The following SLC2A12 variants were observed in gnomAD, a reference collection of about 807,000 sequenced individuals.
The protein encoded by SLC2A12 is solute carrier family 2, facilitated glucose transporter member 12.
In SLC2A12, 23 loss-of-function variants were observed where a neutral mutation model predicts 41.8. The observed-to-expected ratio is 0.55, with a 90% CI of 0.40 to 0.78. The LOEUF (loss-of-function observed/expected upper bound fraction) is 0.78, where lower values mean the gene tolerates loss of function less well. Among genes scored for constraint, SLC2A12 ranks in the 30% least tolerant of loss-of-function variants. The pLI is 0.00. For synonymous variants in SLC2A12, 295 were observed against 285.9 expected, an observed-to-expected ratio of 1.03 and a Z score of -0.32; for missense variants, 654 against 745.6, an observed-to-expected ratio of 0.88 and a Z score of 1.43.
intron 1 of SLC2A12, among the ~76,000 whole-genome samples, chr6:134,049,473 T>G (rs977790630): frequency 9.2e-5 from 14 of 152,198 alleles, no homozygotes; most frequent in Admixed American, 4.6e-4. Flanking sequence ...TTCTGCACCA[T>G]CCTCTGTGTG....
At chr6:134,033,468 G>A (rs1348009504) in intron 1 of SLC2A12, among the ~76,000 whole-genome samples, 1 of 151,988 alleles carries the variant, frequency 6.6e-6, no homozygotes, top group Non-Finnish European at 1.5e-5. Flanking sequence ...ATCTCTGCTT[G>A]TCATTGTTCA....
Position 134,028,961 on chromosome 6 carries a change from A to G in SLC2A12, c.864T>C (p.Phe288=), listed in dbSNP as rs148451864. The G allele has an allele frequency of 6.5e-5, 105 of 1,614,250 alleles. No homozygotes were observed. Among genetic ancestry groups the G allele is most frequent in the Non-Finnish European group, 8.6e-5 (102 of 1,180,048 alleles). ...RIMIGLTLVF[F]VQITGQPNIL... is the part of the protein sequence containing the mutation. ...TGTTTGGTTGGCCAGTGATTTGTACAAAAAATACTAGTGTTAGTCCTATCA... is the reference window on the plus strand; with the variant it reads ...TGTTTGGTTGGCCAGTGATTTGTACGAAAAATACTAGTGTTAGTCCTATCA... Residue 288 remains phenylalanine, a synonymous_variant, in exon 2 of 5, where the codon TTT becomes TTC. Transcript: ENST00000275230.
intron 4 of SLC2A12, among the ~76,000 whole-genome samples, chr6:133,994,337 A>G (rs1010459707): frequency 2.6e-5 from 4 of 152,178 alleles, no homozygotes; most frequent in Non-Finnish European, 5.9e-5. Flanking sequence ...GACATTTGGA[A>G]AGACATGTAG....
intron 1 of SLC2A12, among the ~76,000 whole-genome samples, chr6:134,040,086 G>GT (rs1224399817): frequency 6.5e-4 from 79 of 122,330 alleles, no homozygotes; most frequent in Non-Finnish European, 1.0e-3. Context: ...TTTGTTTTTT[G>GT]TTTTTTTTGA....
chr6:134,012,644 C>T (rs551506174), intron 2 of SLC2A12, among the ~76,000 whole-genome samples: 2 of 152,124 alleles, frequency 1.3e-5, no homozygotes, highest in East Asian at 3.9e-4. Context: ...AATACCATAC[C>T]TATTTGATAG....
At chr6:133,993,005 C>G (rs1026474228) in intron 4 of SLC2A12, among the ~76,000 whole-genome samples, 1 of 152,202 alleles carries the variant, frequency 6.6e-6, no homozygotes, top group Non-Finnish European at 1.5e-5. Flanking sequence ...TTCCGCTGAG[C>G]CTGTGCTTAC....
chr6:133,990,973 C>G lies in SLC2A12; in HGVS notation c.*182G>C. On this transcript the variant is annotated 3_prime_UTR_variant, in exon 5 of 5. Coordinates refer to ENST00000275230, the MANE Select transcript of SLC2A12 (RefSeq NM_145176.3). ...CACTTAGGACCTTGTACCTCATCTA[C>G]CTTTTGAGGTTCCTTCTGGGGAGGA... is the stretch of plus-strand genomic sequence containing the variant. The G allele has an allele frequency of 1.6e-6, 1 of 637,294 alleles. No homozygotes were observed. Among genetic ancestry groups the G allele is most frequent in the Non-Finnish European group, 2.6e-6 (1 of 387,234 alleles). The allele number at this position is 637,294 out of a possible 1,614,324, so 39.5% of individuals were successfully genotyped here.
chr6:133,987,648 G>GTGTGTGTGTATATATATATA lies in SLC2A12; in HGVS notation c.*3506_*3507insTATATATATATACACACACA. ...TTTGTGTGTGTGTGTGTGTGTGTGTGTATATATATATATATATATGCACCA... is the reference window on the plus strand; with the variant it reads ...TTTGTGTGTGTGTGTGTGTGTGTGTGTGTGTGTGTATATATATATATATATATATATATATATATGCACCA... On this transcript the variant is annotated 3_prime_UTR_variant, in exon 5 of 5. Transcript: ENST00000275230. The GTGTGTGTGTATATATATATA allele has an allele frequency of 1.1e-5, 1 of 88,396 alleles. No homozygotes were observed. Among genetic ancestry groups the GTGTGTGTGTATATATATATA allele is most frequent in the African/African-American group, 3.6e-5 (1 of 27,578 alleles). The allele number at this position is 88,396 out of a possible 1,614,324, so 5.5% of individuals were successfully genotyped here. A position where few individuals can be genotyped will look rare whatever the true frequency, so the allele number is the denominator to read the frequency against.
At chr6:134,030,754 G>A (rs544146734) in intron 1 of SLC2A12, among the ~76,000 whole-genome samples, 19 of 152,304 alleles carry the variant, frequency 1.2e-4, no homozygotes, top group South Asian at 6.2e-4. Flanking sequence ...GCGGTAGGAC[G>A]GAAAGGGCTT....
At chr6:134,001,110 T>C (rs921659491) in intron 4 of SLC2A12, among the ~76,000 whole-genome samples, 26 of 151,330 alleles carry the variant, frequency 1.7e-4, no homozygotes, top group African/African-American at 6.3e-4. Context: ...GAGATGGTGA[T>C]TGAGTAGAGC....
chr6:134,032,792 T>TTTTATA (rs1554208476), intron 1 of SLC2A12, among the ~76,000 whole-genome samples: 12 of 138,020 alleles, frequency 8.7e-5, no homozygotes, highest in South Asian at 2.2e-4. Context: ...TATATATATA[T>TTTTATA]TATATATATA....
intron 4 of SLC2A12, among the ~76,000 whole-genome samples, chr6:133,996,832 C>G (rs1776693474): frequency 6.6e-6 from 1 of 152,066 alleles, no homozygotes; most frequent in South Asian, 2.1e-4. Flanking sequence ...TTTTTTGTCT[C>G]TGACATTTCT....
Position 133,991,081 on chromosome 6 carries a change from G to C in SLC2A12, c.*74C>G. On this transcript the variant is annotated 3_prime_UTR_variant, in exon 5 of 5. Transcript: ENST00000275230. ...ACACTGAAAAGAGAGCACAGGAGTC[G>C]CAACTATGCATTGGTCCAAAGACAC... The C allele has an allele frequency of 6.7e-7, 1 of 1,484,090 alleles. No individual in the cohort carries two copies. Among genetic ancestry groups the C allele is most frequent in the Non-Finnish European group, 9.0e-7 (1 of 1,105,230 alleles). 91.9% of individuals were successfully genotyped at this position (1,484,090 alleles called of 1,614,324 possible). A position where few individuals can be genotyped will look rare whatever the true frequency, so the allele number is the denominator to read the frequency against.
At position 133,990,050 on chromosome 6, in the gene SLC2A12, GAAGT is replaced by G. The variant is rs200398397; in HGVS notation, c.*1101_*1104del. ...TAACAAGTCTTTAAAATCAACTGGA[GAAGT>G]AAGAGAACAGTTCATCGTTGTGTGG... On this transcript the variant is annotated 3_prime_UTR_variant, in exon 5 of 5. Transcript: ENST00000275230. The G allele has an allele frequency of 8.2e-3, 1,254 of 152,744 alleles. 34 individuals are homozygous for G. The highest frequency in any genetic ancestry group is 0.061 in the Admixed American group (935 of 15,306). The allele number at this position is 152,744 out of a possible 1,614,324, so 9.5% of individuals were successfully genotyped here.
At chr6:134,004,169 A>G (rs751047959) in intron 3 of SLC2A12, among the ~76,000 whole-genome samples, 70 of 152,034 alleles carry the variant, frequency 4.6e-4, no homozygotes, top group Non-Finnish European at 7.6e-4. Context: ...ATCCCTCATC[A>G]ATTCCATTTT....
At chr6:134,014,408 T>G (rs985286248) in intron 2 of SLC2A12, among the ~76,000 whole-genome samples, 2 of 152,154 alleles carry the variant, frequency 1.3e-5, no homozygotes, top group South Asian at 4.1e-4. Context: ...CCCCGGAGCA[T>G]GCATACCCCA....
chr6:133,998,575 T>G (rs996992653), intron 4 of SLC2A12, among the ~76,000 whole-genome samples: 4 of 152,222 alleles, frequency 2.6e-5, no homozygotes, highest in Non-Finnish European at 5.9e-5. Flanking sequence ...AGGGTCTCAC[T>G]CTGTCACCCA....
At chr6:134,026,959 G>T (rs1777121811) in intron 2 of SLC2A12, among the ~76,000 whole-genome samples, 1 of 152,192 alleles carries the variant, frequency 6.6e-6, no homozygotes, top group South Asian at 2.1e-4. Flanking sequence ...AGTGGAATTA[G>T]AAGCTGAAAA....
In SLC2A12 at chr6:134,052,424, G is replaced by C. The variant is rs1582633010; in HGVS notation, c.57C>G (p.Ala19=). ...GGCTGCCGCTGCCCTCCGTCTCCAC[G>C]GCTGTCCCCTTCTGGTTCAGCAGAC... ...GPSLLNQKGT[A]VETEGSGSRH... is the part of the protein sequence containing the mutation. Residue 19 remains alanine, a synonymous_variant, in exon 1 of 5, where the codon GCC becomes GCG. Transcript: ENST00000275230. 3 of 1,613,346 alleles carry C rather than the reference G, an allele frequency of 1.9e-6. No individual in the cohort carries two copies. The highest frequency in any genetic ancestry group is 2.5e-6 in the Non-Finnish European group (3 of 1,180,002).
Sources: allele counts gnomAD v4.1 joint callset (sites outside exome capture counted in the v4.1 genomes callset), GRCh38; gene constraint gnomAD v4.1.1; transcripts MANE v1.5; gene names NCBI Gene and HGNC (gene_info 2026-07-23, HGNC 2026-07-21).